Variants in CNTN3 observed in about 807,000 individuals in gnomAD.
CNTN3 encodes the protein contactin-3.
Under a neutral mutation model 119.1 loss-of-function variants are expected in CNTN3, and 60 were observed. The ratio of observed to expected loss-of-function variants is 0.50; its 90% CI spans 0.41 to 0.62. The LOEUF is 0.62. Ranked by LOEUF, CNTN3 falls within the 20% of genes least tolerant of loss-of-function variation. The pLI is 0.00. For missense variants in CNTN3, 1,101 were observed against 1,242.4 expected, an observed-to-expected ratio of 0.89 and a Z score of 1.71; for synonymous variants, 450 against 438.7, an observed-to-expected ratio of 1.03 and a Z score of -0.32.
chr3:74,330,936 T>G (rs2106699388), intron 13 of CNTN3, among the ~76,000 whole-genome samples: 1 of 152,338 alleles, frequency 6.6e-6, no homozygotes, highest in Middle Eastern at 3.4e-3. Flanking sequence ...ATGTGTGTTT[T>G]AAGCTGGGTG....
At chr3:74,520,512 A>C (rs1703525757) in intron 2 of CNTN3, among the ~76,000 whole-genome samples, 1 of 151,380 alleles carries the variant, frequency 6.6e-6, no homozygotes, top group African/African-American at 2.4e-5. Context: ...ACAACAAATG[A>C]TTTGTAATAG....
At chr3:74,485,073 C>T (rs907450521) in intron 4 of CNTN3, among the ~76,000 whole-genome samples, 1 of 152,038 alleles carries the variant, frequency 6.6e-6, no homozygotes, top group Admixed American at 6.6e-5. Context: ...TAGTTAACAA[C>T]TATATGCACA....
intron 1 of CNTN3, among the ~76,000 whole-genome samples, chr3:74,564,355 T>G (rs943004463): frequency 6.6e-6 from 1 of 151,608 alleles, no homozygotes; most frequent in African/African-American, 2.4e-5. Context: ...GAATGATGAG[T>G]GATGAGAGAG....
intron 2 of CNTN3, among the ~76,000 whole-genome samples, chr3:74,500,504 C>T (rs1008297447): frequency 5.8e-5 from 5 of 86,670 alleles, no homozygotes; most frequent in Non-Finnish European, 1.0e-4. Context: ...CAAACAAATT[C>T]GCCCAAAAAA....
intron 13 of CNTN3, among the ~76,000 whole-genome samples, chr3:74,323,859 C>T (rs765359605): frequency 1.3e-5 from 2 of 152,068 alleles, no homozygotes; most frequent in Non-Finnish European, 2.9e-5. Context: ...TCAACATCAG[C>T]GTCAGCCTCC....
At chr3:74,456,502 G>GCAAAGTA (rs1175823442) in intron 4 of CNTN3, among the ~76,000 whole-genome samples, 2 of 152,016 alleles carry the variant, frequency 1.3e-5, no homozygotes, top group African/African-American at 4.8e-5. Context: ...TTTTGGAGCA[G>GCAAAGTA]CAAAGTACAA....
chr3:74,344,507 G>A (rs1040458870), intron 11 of CNTN3, among the ~76,000 whole-genome samples: 2 of 135,174 alleles, frequency 1.5e-5, no homozygotes, highest in Non-Finnish European at 3.1e-5. Context: ...CTCACTGCAA[G>A]CTCCGCCTCC....
chr3:74,391,228 T>A (rs1274155799), intron 5 of CNTN3, among the ~76,000 whole-genome samples: 1 of 152,192 alleles, frequency 6.6e-6, no homozygotes, highest in Non-Finnish European at 1.5e-5. Context: ...TTAAAGAAGA[T>A]ATGGAATATT....
chr3:74,272,224 T>G (rs1490060610), intron 20 of CNTN3, among the ~76,000 whole-genome samples: 1 of 152,290 alleles, frequency 6.6e-6, no homozygotes, highest in East Asian at 1.9e-4. Flanking sequence ...TTAAGAAAGT[T>G]TATGAATTTG....
chr3:74,477,869 C>T (rs562181067), intron 4 of CNTN3, among the ~76,000 whole-genome samples: 3 of 151,800 alleles, frequency 2.0e-5, no homozygotes, highest in South Asian at 4.2e-4. Context: ...AAAAAAAACA[C>T]AGATCTCAAA....
At chr3:74,591,380 A>T (rs1704700688) in intron 1 of CNTN3, among the ~76,000 whole-genome samples, 1 of 151,928 alleles carries the variant, frequency 6.6e-6, no homozygotes, top group African/African-American at 2.4e-5. Flanking sequence ...TTTTCTTGTG[A>T]GTGTGTTTTA....
rs531410315 is a variant in CNTN3 at position 74,408,565 on chromosome 3, C to T, written c.454+16280G>A. ...CTTGCTTTTTGGATCCTTGTCAATG[C>T]ATTTCCTAATGCGGCCAGATCTCGA... On this transcript the variant is annotated intron_variant, in intron 5 of 22. Coordinates refer to ENST00000263665, the MANE Select transcript of CNTN3 (RefSeq NM_020872.3). Among the ~76,000 whole-genome samples the T allele has an allele frequency of 1.8e-4, 27 of 152,250 alleles. No homozygotes were observed. The South Asian group carries it at 5.2e-3, about 29-fold the overall frequency.
chr3:74,447,770 A>G (rs750405897), intron 4 of CNTN3, among the ~76,000 whole-genome samples: 26 of 152,198 alleles, frequency 1.7e-4, no homozygotes, highest in Non-Finnish European at 3.7e-4. Context: ...AGAGTTCATA[A>G]GGGCCCGCTC....
At chr3:74,416,745 T>C (rs747856953) in intron 5 of CNTN3, among the ~76,000 whole-genome samples, 2 of 152,052 alleles carry the variant, frequency 1.3e-5, no homozygotes, top group African/African-American at 2.4e-5. Context: ...CCCAGCACTT[T>C]AGGAGGCCGA....
intron 2 of CNTN3, among the ~76,000 whole-genome samples, chr3:74,514,773 C>T (rs952016534): frequency 6.6e-6 from 1 of 152,032 alleles, no homozygotes; most frequent in Non-Finnish European, 1.5e-5. Flanking sequence ...TTTCACTATG[C>T]ATTGTCTCAG....
intron 1 of CNTN3, among the ~76,000 whole-genome samples, chr3:74,533,210 T>G (rs2107137819): frequency 6.6e-6 from 1 of 152,126 alleles, no homozygotes; most frequent in East Asian, 1.9e-4. Flanking sequence ...TAGTTTGATT[T>G]TATAGAGTCA....
At chr3:74,548,474 G>A (rs371690772) in intron 1 of CNTN3, among the ~76,000 whole-genome samples, 2 of 152,082 alleles carry the variant, frequency 1.3e-5, no homozygotes, top group East Asian at 3.9e-4. Context: ...AGAATTTGTT[G>A]ACTCTGACTA....
intron 5 of CNTN3, among the ~76,000 whole-genome samples, chr3:74,414,012 C>G (rs561052267): frequency 1.0e-3 from 155 of 152,216 alleles, no homozygotes; most frequent in African/African-American, 3.1e-3. Context: ...GGATCAAAAG[C>G]TATAAAACCT....
intron 1 of CNTN3, among the ~76,000 whole-genome samples, chr3:74,601,618 G>A (rs948082065): frequency 6.6e-6 from 1 of 152,116 alleles, no homozygotes; most frequent in African/African-American, 2.4e-5. Flanking sequence ...AGGTTTGGTG[G>A]TATGACAGAT....
Sources: gnomAD v4.1 joint callset for allele counts (sites outside exome capture counted in the v4.1 genomes callset) on GRCh38, gnomAD v4.1.1 for gene constraint, MANE v1.5 for transcripts, NCBI Gene and HGNC (gene_info 2026-07-23, HGNC 2026-07-21) for gene names.